The following IPO11 variants were observed in gnomAD, a reference collection of about 807,000 sequenced individuals.
IPO11 encodes the protein importin-11.
Under a neutral mutation model 143.2 loss-of-function variants are expected in IPO11, and 66 were observed. The observed-to-expected ratio is 0.46, with a 90% CI of 0.38 to 0.57. The LOEUF is 0.57. Among genes scored for constraint, IPO11 ranks in the 20% least tolerant of loss-of-function variants. The probability of loss-of-function intolerance (pLI) is 0.00; values close to 1 mark genes in which losing one functional copy is unlikely to be tolerated. For synonymous variants in IPO11, 385 were observed against 377.8 expected (o/e 1.02, Z -0.22); for missense variants, 1,026 against 1,141.0 (o/e 0.90, Z 1.45).
chr5:62,586,424 A>G (rs147863025), intron 27 of IPO11, among the ~76,000 whole-genome samples: 16 of 152,198 alleles, frequency 1.1e-4, no homozygotes, highest in African/African-American at 3.9e-4. Context: ...TGTGGCATAC[A>G]AGACTTTTCC....
chr5:62,451,289 A>T lies in IPO11; in HGVS notation c.313-441A>T, dbSNP rs187371756. On this transcript the variant is annotated intron_variant, in intron 4 of 29. Transcript: ENST00000325324. Reference sequence around the variant, plus strand: ...TAAATTAAAACTGAGAAACTTAAAAATATTCGTGTAAAAAATAAAATACTC... The same window carrying T: ...TAAATTAAAACTGAGAAACTTAAAATTATTCGTGTAAAAAATAAAATACTC... 2.6e-3 allele frequency among the ~76,000 whole-genome samples: 393 copies of T among 152,348 alleles called. 2 individuals are homozygous for T. Among genetic ancestry groups the T allele is most frequent in the Middle Eastern group, 0.024 (7 of 294 alleles).
intron 26 of IPO11, among the ~76,000 whole-genome samples, chr5:62,557,947 T>C (rs1235111758): frequency 3.3e-5 from 5 of 152,190 alleles, no homozygotes; most frequent in African/African-American, 1.2e-4. Flanking sequence ...TCTATTTTTT[T>C]TGTTTGTTTT....
intron 8 of IPO11, among the ~76,000 whole-genome samples, chr5:62,476,112 A>G (rs1745948336): frequency 6.6e-6 from 1 of 152,248 alleles, no homozygotes; most frequent in African/African-American, 2.4e-5. Context: ...ATGTTTTCTA[A>G]AAATAGTCAT....
At chr5:62,543,442 A>T (rs1051763699) in intron 24 of IPO11, among the ~76,000 whole-genome samples, 1 of 152,116 alleles carries the variant, frequency 6.6e-6, no homozygotes, top group African/African-American at 2.4e-5. Context: ...GAATTTATCC[A>T]TTTCTTCTAG....
intron 11 of IPO11, 51 bp downstream of exon 11, chr5:62,484,213 A>T (rs1368213257): frequency 1.4e-6 from 2 of 1,469,814 alleles, no homozygotes; most frequent in African/African-American, 1.4e-5. Flanking sequence ...CTTTCTATAA[A>T]TATCTGTTTG....
intron 2 of IPO11, among the ~76,000 whole-genome samples, chr5:62,438,399 C>A (rs913066123): frequency 3.3e-5 from 5 of 151,980 alleles, no homozygotes; most frequent in Non-Finnish European, 7.4e-5. Flanking sequence ...ACATCTTATT[C>A]TTTATGTAAT....
intron 9 of IPO11, among the ~76,000 whole-genome samples, chr5:62,477,552 T>C (rs1746004285): frequency 1.3e-5 from 2 of 152,160 alleles, no homozygotes; most frequent in Admixed American, 1.3e-4. Context: ...GTTCACCTAA[T>C]CTTCCAAGAT....
In IPO11 at chr5:62,459,871, A is replaced by G. The variant is rs537688039; in HGVS notation, c.517-7260A>G. On this transcript the variant is annotated intron_variant, in intron 5 of 29. Coordinates refer to ENST00000325324, the MANE Select transcript of IPO11 (RefSeq NM_016338.5). ...GCCTACTTAAGCCTTATTAACAAAA[A>G]AACGGATTATTACTAAAATAACCTT... Among the ~76,000 whole-genome samples the G allele has an allele frequency of 3.3e-5, 5 of 152,352 alleles. No individual in the cohort carries two copies. In the South Asian group the frequency reaches 8.3e-4, roughly 25 times the overall value.
rs760093150 is a variant in IPO11 at position 62,551,199 on chromosome 5, A to C, written c.2347-24A>C. ...TACTTGTACCATAACACAATTTTAC[A>C]TGTGTTGTATTTTAATTGTACAGAG... On this transcript the variant is annotated intron_variant, in intron 25 of 29. Coordinates refer to ENST00000325324, the MANE Select transcript of IPO11 (RefSeq NM_016338.5). 19 of 1,249,312 alleles carry C rather than the reference A, an allele frequency of 1.5e-5. 1 individual carries two copies. The South Asian group carries it at 2.2e-4, about 15-fold the overall frequency. 77.4% of individuals were successfully genotyped at this position (1,249,312 alleles called of 1,614,324 possible). A position where few individuals can be genotyped will look rare whatever the true frequency, so the allele number is the denominator to read the frequency against.
chr5:62,586,993 C>T (rs1474522657), intron 27 of IPO11, among the ~76,000 whole-genome samples: 8 of 147,560 alleles, frequency 5.4e-5, no homozygotes, highest in Non-Finnish European at 7.4e-5. Context: ...TTTTTTTTTC[C>T]AGACAGTTCT....
intron 24 of IPO11, among the ~76,000 whole-genome samples, chr5:62,548,786 G>A (rs1266338964): frequency 6.6e-6 from 1 of 151,908 alleles, no homozygotes; most frequent in Non-Finnish European, 1.5e-5. Context: ...TGACACCTTG[G>A]GATTCAGCTT....
At chr5:62,582,304 G>A (rs1744597606) in intron 27 of IPO11, among the ~76,000 whole-genome samples, 1 of 152,176 alleles carries the variant, frequency 6.6e-6, no homozygotes, top group Non-Finnish European at 1.5e-5. Flanking sequence ...TGGATCCAGA[G>A]GTACTTTGAA....
intron 22 of IPO11, among the ~76,000 whole-genome samples, chr5:62,535,682 G>C (rs909873499): frequency 3.3e-5 from 5 of 152,012 alleles, no homozygotes; most frequent in African/African-American, 1.2e-4. Flanking sequence ...GACAGGGTAG[G>C]ATTGTCATTC....
intron 5 of IPO11, among the ~76,000 whole-genome samples, chr5:62,457,759 G>T (rs1018394958): frequency 2.0e-5 from 3 of 152,096 alleles, no homozygotes; most frequent in Non-Finnish European, 4.4e-5. Flanking sequence ...CCAAATAATT[G>T]AAATTATGAA....
At chr5:62,552,901 T>A (rs1040385977) in intron 26 of IPO11, among the ~76,000 whole-genome samples, 2 of 152,186 alleles carry the variant, frequency 1.3e-5, no homozygotes, top group Admixed American at 1.3e-4. Context: ...CATATAGTGA[T>A]CAAATCAGGG....
At chr5:62,524,791 C>T (rs1468021880) in intron 20 of IPO11, among the ~76,000 whole-genome samples, 1 of 152,130 alleles carries the variant, frequency 6.6e-6, no homozygotes, top group Non-Finnish European at 1.5e-5. Flanking sequence ...TAGTATGTGT[C>T]ATCAAAAGGG....
chr5:62,570,370 A>G (rs552465059), intron 27 of IPO11, among the ~76,000 whole-genome samples: 50 of 152,170 alleles, frequency 3.3e-4, no homozygotes, highest in Non-Finnish European at 6.2e-4. Flanking sequence ...TTCCTATGTT[A>G]GGATTTGAAT....
intron 21 of IPO11, among the ~76,000 whole-genome samples, chr5:62,530,210 T>C (rs1264550655): frequency 6.6e-6 from 1 of 152,194 alleles, no homozygotes; most frequent in Non-Finnish European, 1.5e-5. Context: ...AATTTCATTA[T>C]TATGGATACT....
At chr5:62,566,056 TTTCG>T (rs566242801) in intron 27 of IPO11, among the ~76,000 whole-genome samples, 164 of 152,286 alleles carry the variant, frequency 1.1e-3, no homozygotes, top group Middle Eastern at 3.4e-3. Context: ...GGTTACATGT[TTTCG>T]TTATTGTAAA....
Sources: gnomAD v4.1 joint callset for allele counts (sites outside exome capture counted in the v4.1 genomes callset) on GRCh38, gnomAD v4.1.1 for gene constraint, MANE v1.5 for transcripts, NCBI Gene and HGNC (gene_info 2026-07-23, HGNC 2026-07-21) for gene names.